Variants in NUP205 observed in about 807,000 individuals in gnomAD.
NUP205 encodes nucleoporin 205.
In NUP205, 76 loss-of-function variants were observed where a neutral mutation model predicts 253.8. That is an observed-to-expected ratio of 0.30 (90% CI 0.25 to 0.36). The LOEUF (loss-of-function observed/expected upper bound fraction) is 0.36. Among genes scored for constraint, NUP205 ranks in the 10% least tolerant of loss-of-function variants. The pLI is 1.00. For synonymous variants in NUP205, 832 were observed against 850.1 expected, an observed-to-expected ratio of 0.98 and a Z score of 0.37; for missense variants, 2,162 against 2,425.5, an observed-to-expected ratio of 0.89 and a Z score of 2.28.
intron 19 of NUP205, among the ~76,000 whole-genome samples, chr7:135,604,817 T>G (rs1299306611): frequency 6.6e-6 from 1 of 152,238 alleles, no homozygotes; most frequent in Non-Finnish European, 1.5e-5. Flanking sequence ...CTCTGCAAGT[T>G]CTGAATATTT....
At chr7:135,592,874 G>A in intron 11 of NUP205, 113 bp from the exon 12 acceptor site, 1 of 772,622 alleles carries the variant, frequency 1.3e-6, no homozygotes, top group Non-Finnish European at 2.1e-6. Context: ...GTGACAGTGA[G>A]ACTCTATCTC....
intron 22 of NUP205, among the ~76,000 whole-genome samples, chr7:135,609,747 T>G (rs1794185133): frequency 6.6e-6 from 1 of 152,228 alleles, no homozygotes; most frequent in Non-Finnish European, 1.5e-5. Context: ...TTCTTTACTA[T>G]CTTTTCTGTC....
At chr7:135,566,162 G>A (rs148111888) in intron 1 of NUP205, among the ~76,000 whole-genome samples, 37 of 152,222 alleles carry the variant, frequency 2.4e-4, no homozygotes, top group African/African-American at 8.4e-4. Context: ...AGGCTGGATG[G>A]CAGTGGTGTG....
chr7:135,604,926 T>G (rs1794055226), intron 19 of NUP205, among the ~76,000 whole-genome samples: 1 of 152,232 alleles, frequency 6.6e-6, no homozygotes, highest in South Asian at 2.1e-4. Context: ...GTTCCTCTTT[T>G]TATTCAAGTT....
At chr7:135,604,037 A>G (rs140475806) in intron 18 of NUP205, among the ~76,000 whole-genome samples, 191 of 152,220 alleles carry the variant, frequency 1.3e-3, no homozygotes, top group Middle Eastern at 3.4e-3. Flanking sequence ...TTATGAGGAC[A>G]CCAGTCATAT....
At chr7:135,628,161 T>G (rs2129491893) in intron 34 of NUP205, 50 bp downstream of exon 34, 1 of 1,560,760 alleles carries the variant, frequency 6.4e-7, no homozygotes, top group South Asian at 1.2e-5. Flanking sequence ...ATCCTCATTT[T>G]ACAAGTACAG....
In NUP205 at chr7:135,560,372, G is replaced by A. The variant is rs147797587; in HGVS notation, c.28+2400G>A. Among the ~76,000 whole-genome samples, 408 of 152,280 alleles carry A rather than the reference G, an allele frequency of 2.7e-3. 6 individuals carry two copies. The highest frequency in any genetic ancestry group is 3.5e-3 in the Non-Finnish European group (236 of 68,010). Reference sequence around the variant, plus strand: ...CAAATCATTGGAGGGAAAAGGAGTTGCCAACAGCAGCAAAGAGTGTACATT... The same window carrying A: ...CAAATCATTGGAGGGAAAAGGAGTTACCAACAGCAGCAAAGAGTGTACATT... On this transcript the variant is annotated intron_variant, in intron 1 of 42. Coordinates refer to ENST00000285968, the MANE Select transcript of NUP205 (RefSeq NM_015135.3).
In NUP205 at chr7:135,587,640, T is replaced by C; in HGVS notation, c.1284T>C (p.Gly428=). 1 of 1,611,672 alleles carries C rather than the reference T, an allele frequency of 6.2e-7. No individual in the cohort carries two copies. The highest frequency in any genetic ancestry group is 8.5e-7 in the Non-Finnish European group (1 of 1,178,872). ...ARMIHMSMQM[G]NEPPISLRRD... Reference sequence around the variant, plus strand: ...TGATTCACATGAGTATGCAGATGGGTAATGAACCCCCCATTTCACTTAGAA... The same window carrying C: ...TGATTCACATGAGTATGCAGATGGGCAATGAACCCCCCATTTCACTTAGAA... The change falls in exon 9 of 43, where the codon GGT becomes GGC. Residue 428 remains glycine (G), a synonymous_variant. Transcript: ENST00000285968.
chr7:135,634,278 A>G (rs919829190), intron 35 of NUP205, among the ~76,000 whole-genome samples: 5 of 152,152 alleles, frequency 3.3e-5, no homozygotes, highest in African/African-American at 1.2e-4. Context: ...ATTGATATAC[A>G]TAGAATAGTT....
intron 2 of NUP205, among the ~76,000 whole-genome samples, chr7:135,572,652 C>T (rs766435145): frequency 5.3e-5 from 8 of 152,182 alleles, no homozygotes; most frequent in African/African-American, 1.4e-4. Flanking sequence ...ACCTCCCTCC[C>T]GTGTTCAAGC....
At chr7:135,570,782 T>TATATTAATA (rs1563110143) in intron 1 of NUP205, among the ~76,000 whole-genome samples, 3 of 51,692 alleles carry the variant, frequency 5.8e-5, no homozygotes, top group Admixed American at 4.3e-4. Context: ...TATATATTAA[T>TATATTAATA]TATATTTATA....
chr7:135,570,859 T>C (rs1175020693), intron 1 of NUP205, among the ~76,000 whole-genome samples: 2 of 118,378 alleles, frequency 1.7e-5, no homozygotes, highest in Non-Finnish European at 1.7e-5. Context: ...ATATATTATA[T>C]ATAAATATAA....
intron 10 of NUP205, among the ~76,000 whole-genome samples, chr7:135,590,904 C>G (rs1333772078): frequency 6.6e-6 from 1 of 152,056 alleles, no homozygotes; most frequent in Non-Finnish European, 1.5e-5. Flanking sequence ...TCAGTTCCAA[C>G]TAGTGAGTTT....
chr7:135,593,163 T>C lies in NUP205; in HGVS notation c.1801T>C (p.Leu601=). Residue 601 remains leucine, a synonymous_variant, in exon 12 of 43, where the codon TTG becomes CTG. Transcript: ENST00000285968. The stretch of plus-strand genomic sequence containing the variant: ...GGAGCAAGATGGATTGATTGCTTTT[T>C]TGCAGCTCACGTCTACCATCATTAC... The part of the protein sequence containing the change: ...QKEQDGLIAF[L]QLTSTIITWS... 5.6e-6 allele frequency: 9 copies of C among 1,614,172 alleles called. No individual in the cohort carries two copies. The highest frequency in any genetic ancestry group is 7.6e-6 in the Non-Finnish European group (9 of 1,180,006).
chr7:135,596,494 G>A (rs969690579), intron 13 of NUP205, among the ~76,000 whole-genome samples: 1 of 152,064 alleles, frequency 6.6e-6, no homozygotes, highest in African/African-American at 2.4e-5. Context: ...CAACAGTATT[G>A]TTTTTAAAGG....
intron 33 of NUP205, among the ~76,000 whole-genome samples, chr7:135,627,248 T>G (rs1794611176): frequency 6.6e-6 from 1 of 152,232 alleles, no homozygotes; most frequent in African/African-American, 2.4e-5. Flanking sequence ...ATTAGCTTAT[T>G]AATACGATGT....
intron 10 of NUP205, among the ~76,000 whole-genome samples, chr7:135,590,260 C>T (rs1326547608): frequency 6.7e-6 from 1 of 150,320 alleles, no homozygotes; most frequent in Non-Finnish European, 1.5e-5. Flanking sequence ...TACAGGCACC[C>T]GCCATCATGC....
chr7:135,557,933 T>C lies in NUP205; in HGVS notation c.-12T>C. The C allele has an allele frequency of 6.2e-7, 1 of 1,613,172 alleles. No homozygotes were observed. The highest frequency in any genetic ancestry group is 8.5e-7 in the Non-Finnish European group (1 of 1,179,116). On this transcript the variant is annotated 5_prime_UTR_variant, in exon 1 of 43. Coordinates refer to ENST00000285968, the MANE Select transcript of NUP205 (RefSeq NM_015135.3). ...CCATGCGGCAGAAGGGCTCTGTTAG[T>C]GCGCCTCTAAGATGGCGACGCCTTT...
chr7:135,617,030 A>G (rs1300558247), intron 25 of NUP205, 60 bp from the exon 26 acceptor site: 9 of 1,284,542 alleles, frequency 7.0e-6, no homozygotes, highest in Non-Finnish European at 8.6e-6. Context: ...ACTGAATATG[A>G]TGGCTTGCCT....
Sources: gnomAD v4.1 joint callset for allele counts (sites outside exome capture counted in the v4.1 genomes callset) on GRCh38, gnomAD v4.1.1 for gene constraint, MANE v1.5 for transcripts, NCBI Gene and HGNC (gene_info 2026-07-23, HGNC 2026-07-21) for gene names.